The following PABIR3 variants were observed in gnomAD, a reference collection of about 807,000 sequenced individuals.
PABIR3 encodes the protein PABIR family member 1.
Under a neutral mutation model 23.1 loss-of-function variants are expected in PABIR3, and 20 were observed. The ratio of observed to expected loss-of-function variants is 0.86; its 90% confidence interval spans 0.61 to 1.26. The LOEUF is 1.26. Among genes scored for constraint, PABIR3 ranks in the 50% most tolerant of loss-of-function variants. PABIR3 has a pLI of 0.00. For synonymous variants in PABIR3, 69 were observed against 68.5 expected (o/e 1.01, Z -0.04); for missense variants, 189 against 195.4 (o/e 0.97, Z 0.20).
intron 7 of PABIR3, among the ~76,000 whole-genome samples, 192 bp downstream of exon 7, chrX:134,847,667 A>T (rs1432949440): frequency 9.0e-6 from 1 of 111,651 alleles, no homozygotes; most frequent in Non-Finnish European, 1.9e-5. Flanking sequence ...ACCAACTTTA[A>T]AGCATAGGGT....
At chrX:134,829,371 A>G (rs1183409347) in intron 4 of PABIR3, 89 bp downstream of exon 4, 4 of 748,573 alleles carry the variant, frequency 5.3e-6, no homozygotes, top group East Asian at 6.5e-5. Context: ...CAGTAATTCT[A>G]AGTGAGGTCA....
intron 2 of PABIR3, among the ~76,000 whole-genome samples, chrX:134,813,025 A>G (rs945886804): frequency 2.7e-5 from 3 of 111,607 alleles, no homozygotes; most frequent in Non-Finnish European, 5.6e-5. Context: ...GTACTCTGAG[A>G]TTGTTATTCT....
At chrX:134,821,553 A>C in intron 3 of PABIR3, 1 of 1,150,210 alleles carries the variant, frequency 8.7e-7, no homozygotes, top group South Asian at 1.9e-5. Flanking sequence ...AAGCAGGGGA[A>C]ATGTCTCATC....
At chrX:134,850,159 G>T (rs1028853222) in intron 9 of PABIR3, among the ~76,000 whole-genome samples, 4 of 109,910 alleles carry the variant, frequency 3.6e-5, no homozygotes, top group African/African-American at 1.3e-4. Context: ...GCAAGCATAA[G>T]CCTGTATATT....
At chrX:134,806,769 TAGC>T (rs1305687432), upstream of PABIR3, among the ~76,000 whole-genome samples, 1 of 105,894 alleles carries the variant, frequency 9.4e-6, no homozygotes, top group African/African-American at 3.6e-5. Context: ...AGCACTTAGG[TAGC>T]AGTATCTTTT....
chrX:134,828,507 A>G (rs2081622448), intron 3 of PABIR3, among the ~76,000 whole-genome samples: 1 of 112,414 alleles, frequency 8.9e-6, no homozygotes, highest in Admixed American at 9.5e-5. Context: ...GAAAGAGTTT[A>G]CAGATGAATT....
chrX:134,854,268 G>C lies in PABIR3; in HGVS notation c.*51G>C, dbSNP rs2082729765. 1.7e-6 allele frequency: 2 copies of C among 1,161,727 alleles called. No homozygotes were observed. The highest frequency in any genetic ancestry group is 4.7e-4 in the Middle Eastern group (2 of 4,240). On this transcript the variant is annotated 3_prime_UTR_variant, in exon 11 of 11. Coordinates refer to ENST00000645433, the MANE Select transcript of PABIR3 (RefSeq NM_001388447.1). ...CACCCATCCCAAGACTTTCTCACCAGTGGAGAAACACACACATCAAGCAAA... is the reference window on the plus strand; with the variant it reads ...CACCCATCCCAAGACTTTCTCACCACTGGAGAAACACACACATCAAGCAAA...
At chrX:134,831,638 G>A (rs925158176) in intron 4 of PABIR3, 13 of 111,400 alleles carry the variant, frequency 1.2e-4, no homozygotes, top group African/African-American at 4.2e-4. Context: ...TTTTACAGGT[G>A]CCATGGGGTA....
At position 134,854,265 on chromosome X, in the gene PABIR3, C is replaced by T. The variant is rs753176352; in HGVS notation, c.*48C>T. The T allele has an allele frequency of 3.7e-5, 43 of 1,162,687 alleles. No individual in the cohort carries two copies. Among genetic ancestry groups the T allele is most frequent in the Non-Finnish European group, 4.8e-5 (42 of 869,181 alleles). ...ATTCACCCATCCCAAGACTTTCTCACCAGTGGAGAAACACACACATCAAGC... is the reference window on the plus strand; with the variant it reads ...ATTCACCCATCCCAAGACTTTCTCATCAGTGGAGAAACACACACATCAAGC... On this transcript the variant is annotated 3_prime_UTR_variant, in exon 11 of 11. Transcript: ENST00000645433.
chrX:134,844,366 T>TC (rs1485783278), intron 4 of PABIR3, among the ~76,000 whole-genome samples: 1 of 111,039 alleles, frequency 9.0e-6, no homozygotes, highest in East Asian at 2.8e-4. Context: ...TTTTTCTGTT[T>TC]CTGTAAAAAA....
chrX:134,822,225 T>C, intron 3 of PABIR3: 3 of 746,863 alleles, frequency 4.0e-6, no homozygotes, highest in Non-Finnish European at 4.7e-6. Context: ...GTGATGTTTA[T>C]TACATCTCAG....
intron 1 of PABIR3, chrX:134,796,871 C>A (rs2079873555): frequency 8.9e-6 from 1 of 112,025 alleles, no homozygotes; most frequent in Non-Finnish European, 1.9e-5. Context: ...TCGGGTAGGA[C>A]CCGGCCGGGC....
At chrX:134,799,259 G>T (rs1003406202) in intron 1 of PABIR3, among the ~76,000 whole-genome samples, 4 of 112,100 alleles carry the variant, frequency 3.6e-5, no homozygotes, top group Admixed American at 9.4e-5. Flanking sequence ...GGAGGAAAAA[G>T]TTACAGGAGC....
At chrX:134,821,488 C>T in intron 3 of PABIR3, 1 of 1,152,903 alleles carries the variant, frequency 8.7e-7, no homozygotes, top group Non-Finnish European at 1.1e-6. Flanking sequence ...CACTTCTGCT[C>T]AAGCCGGATG....
chrX:134,845,937 A>G (rs923506867), intron 6 of PABIR3, among the ~76,000 whole-genome samples: 1 of 111,854 alleles, frequency 8.9e-6, no homozygotes, highest in African/African-American at 3.2e-5. Context: ...TAAACCACAG[A>G]CAATAGACTC....
chrX:134,828,247 C>T (rs891540830), intron 3 of PABIR3, among the ~76,000 whole-genome samples: 6 of 107,706 alleles, frequency 5.6e-5, no homozygotes, highest in South Asian at 4.2e-4. Context: ...CATGCCACCA[C>T]GCATGGCTAA....
chrX:134,823,893 T>TC (rs761944400), intron 3 of PABIR3, among the ~76,000 whole-genome samples: 65 of 111,023 alleles, frequency 5.9e-4, no homozygotes, highest in African/African-American at 2.0e-3. Flanking sequence ...AGTCACAGTA[T>TC]CTAATGTTGA....
downstream of PABIR3, among the ~76,000 whole-genome samples, chrX:134,856,579 G>A: frequency 8.9e-6 from 1 of 111,907 alleles, no homozygotes; most frequent in Admixed American, 9.6e-5. Context: ...GGATTCCATA[G>A]TTGGTTCTCC....
chrX:134,798,402 T>A (rs934468353), intron 1 of PABIR3, among the ~76,000 whole-genome samples: 3 of 111,214 alleles, frequency 2.7e-5, no homozygotes, highest in Non-Finnish European at 5.7e-5. Context: ...TGGAGGCGGG[T>A]AGGTGCAGAA....
Sources: allele counts gnomAD v4.1 joint callset (sites outside exome capture counted in the v4.1 genomes callset), GRCh38; gene constraint gnomAD v4.1.1; transcripts MANE v1.5; gene names NCBI Gene and HGNC (gene_info 2026-07-23, HGNC 2026-07-21).